The following MAST4 variants were observed in gnomAD, a reference collection of about 807,000 sequenced individuals.
MAST4 encodes the protein microtubule-associated serine/threonine-protein kinase 4.
Under a neutral mutation model 162.7 loss-of-function variants are expected in MAST4, and 89 were observed. That is an observed-to-expected ratio of 0.55 (90% CI 0.46 to 0.65). The LOEUF (loss-of-function observed/expected upper bound fraction) is 0.65. Ranked by LOEUF, MAST4 falls within the 30% of genes least tolerant of loss-of-function variation. MAST4 has a pLI of 0.00. For missense variants in MAST4, 3,153 were observed against 3,374.0 expected (o/e 0.93, Z 1.62); for synonymous variants, 1,479 against 1,361.1 (o/e 1.09, Z -1.91).
intron 3 of MAST4, among the ~76,000 whole-genome samples, chr5:66,797,232 G>A (rs1016361311): frequency 1.3e-5 from 2 of 152,140 alleles, no homozygotes; most frequent in African/African-American, 4.8e-5. Context: ...ATTAGATAGC[G>A]GTTTGTTGGG....
intron 4 of MAST4, among the ~76,000 whole-genome samples, chr5:66,910,743 T>TTGTTTTTTTTTTTTG (rs1763695311): frequency 4.1e-5 from 1 of 24,236 alleles, no homozygotes; most frequent in Admixed American, 4.7e-4. Flanking sequence ...TTTTTTTTCT[T>TTGTTTTTTTTTTTTG]TTTTTTTTTT....
At chr5:66,906,362 A>G (rs1394801967) in intron 4 of MAST4, among the ~76,000 whole-genome samples, 1 of 152,104 alleles carries the variant, frequency 6.6e-6, no homozygotes, top group African/African-American at 2.4e-5. Context: ...AGAATTTTAT[A>G]TTTGGTTGAC....
At chr5:66,946,389 A>AGACCTTTCCTAATTCTAAATTTT (rs1744029591) in intron 4 of MAST4, among the ~76,000 whole-genome samples, 1 of 152,176 alleles carries the variant, frequency 6.6e-6, no homozygotes, top group Non-Finnish European at 1.5e-5. Context: ...GCCTAAATTT[A>AGACCTTTCCTAATTCTAAATTTT]GACCTTTCCT....
rs1745054263 is a variant in MAST4, at chr5:66,635,525, TATA to T, written c.363+38508_363+38510del. On this transcript the variant is annotated intron_variant, in intron 1 of 28. Coordinates refer to ENST00000403625, the MANE Select transcript of MAST4 (RefSeq NM_001164664.2). ...CAAGAAAGTTTGGGGCAGAAATTAG[TATA>T]GGAATATGAACTGGAATCAGGTGTG... 2.0e-5 allele frequency among the ~76,000 whole-genome samples: 3 copies of T among 152,176 alleles called. No homozygotes were observed. In the South Asian group the frequency reaches 6.2e-4, roughly 32 times the overall value.
At chr5:66,639,041 G>A (rs540007621) in intron 1 of MAST4, among the ~76,000 whole-genome samples, 1 of 152,304 alleles carries the variant, frequency 6.6e-6, no homozygotes, top group African/African-American at 2.4e-5. Context: ...CAGATAGCAT[G>A]TAGATGATAT....
rs55638729 is a variant in MAST4 at position 67,162,787 on chromosome 5, T to G, written c.3966T>G (p.Ser1322=). The G allele has an allele frequency of 4.1e-4, 657 of 1,613,674 alleles. 7 individuals carry two copies. In the East Asian group the frequency reaches 0.014, roughly 34 times the overall value. Residue 1322 remains serine, a splice_region_variant and synonymous_variant, in exon 28 of 29, where the codon TCT becomes TCG. Transcript: ENST00000403625. The part of the protein sequence containing the change: ...PSYRSTPDFP[S]GTNSSQSSSP... ...ACCGCTCCACCCCTGACTTCCCATCTGGTGAGTGAGTCTCCTGGTCTAAAC... is the reference window on the plus strand; with the variant it reads ...ACCGCTCCACCCCTGACTTCCCATCGGGTGAGTGAGTCTCCTGGTCTAAAC...
intron 2 of MAST4, among the ~76,000 whole-genome samples, chr5:66,765,690 A>G (rs1295794194): frequency 2.0e-5 from 3 of 152,160 alleles, no homozygotes; most frequent in Non-Finnish European, 2.9e-5. Flanking sequence ...TATGTATTCA[A>G]TGTAGACAAT....
chr5:67,019,901 G>T (rs141061549), intron 4 of MAST4, among the ~76,000 whole-genome samples: 21 of 152,210 alleles, frequency 1.4e-4, no homozygotes, highest in African/African-American at 4.8e-4. Flanking sequence ...TATAAGATGA[G>T]GAAATTAATA....
chr5:66,810,997 T>A (rs1278140472), intron 3 of MAST4, among the ~76,000 whole-genome samples: 1 of 152,200 alleles, frequency 6.6e-6, no homozygotes, highest in Non-Finnish European at 1.5e-5. Flanking sequence ...GGGGACTGTT[T>A]GCAGGAAAAA....
intron 9 of MAST4, among the ~76,000 whole-genome samples, chr5:67,103,867 C>T (rs879548494): frequency 5.9e-5 from 9 of 152,134 alleles, no homozygotes; most frequent in South Asian, 4.1e-4. Flanking sequence ...TAAATGAAAG[C>T]GTAACAATTC....
intron 4 of MAST4, among the ~76,000 whole-genome samples, chr5:66,983,770 T>C (rs369183138): frequency 3.9e-5 from 6 of 152,200 alleles, no homozygotes; most frequent in Non-Finnish European, 7.3e-5. Context: ...GTGTTATGAC[T>C]TTACACAAAG....
At chr5:67,073,481 C>T (rs891499713) in intron 5 of MAST4, among the ~76,000 whole-genome samples, 8 of 152,138 alleles carry the variant, frequency 5.3e-5, no homozygotes, top group African/African-American at 1.9e-4. Flanking sequence ...ATTCCTCTTA[C>T]GTAGGGAGGT....
At chr5:66,790,163 A>G (rs1001011462) in intron 3 of MAST4, among the ~76,000 whole-genome samples, 13 of 152,052 alleles carry the variant, frequency 8.5e-5, no homozygotes, top group Non-Finnish European at 1.2e-4. Context: ...ATATAAATCA[A>G]TGTATTGTGT....
intron 5 of MAST4, among the ~76,000 whole-genome samples, chr5:67,081,904 A>C (rs1258389810): frequency 6.6e-6 from 1 of 152,174 alleles, no homozygotes; most frequent in East Asian, 1.9e-4. Flanking sequence ...GGGATTAATC[A>C]CAAAGGGAAA....
At chr5:66,951,087 C>G (rs574693260) in intron 4 of MAST4, among the ~76,000 whole-genome samples, 33 of 152,280 alleles carry the variant, frequency 2.2e-4, no homozygotes, top group African/African-American at 7.7e-4. Context: ...TGGGTTATTA[C>G]AAGCAGTGCT....
At chr5:67,088,420 G>T (rs978934042) in intron 5 of MAST4, among the ~76,000 whole-genome samples, 2 of 152,142 alleles carry the variant, frequency 1.3e-5, no homozygotes, top group Admixed American at 1.3e-4. Context: ...TGAGCAAATT[G>T]AACACTTTTC....
Position 67,095,677 on chromosome 5 carries a change from T to C in MAST4, c.912+2T>C, listed in dbSNP as rs1764375650. 6.4e-7 allele frequency: 1 copy of C among 1,569,144 alleles called. No individual in the cohort carries two copies. Among genetic ancestry groups the C allele is most frequent in the South Asian group, 1.2e-5 (1 of 82,086 alleles). On this transcript the variant is annotated splice_donor_variant, in intron 7 of 28. Transcript: ENST00000403625. LOFTEE classifies it high-confidence loss of function. Reference sequence around the variant, plus strand: ...AACACACCCAGCTCTACGGTCTCTGTAAGTGCCTGACTTTTTTTTTTTTTT... The same window carrying C: ...AACACACCCAGCTCTACGGTCTCTGCAAGTGCCTGACTTTTTTTTTTTTTT...
Position 67,133,661 on chromosome 5 carries a change from C to T in MAST4, c.2226+15C>T. ...TGGATAAACAGGTAAGCTTGGGTGC[C>T]ATTTAGTTTATTGAGAAATACAAAG... On this transcript the variant is annotated intron_variant, in intron 17 of 28. Coordinates refer to ENST00000403625, the MANE Select transcript of MAST4 (RefSeq NM_001164664.2). 3 of 1,611,746 alleles carry T rather than the reference C, an allele frequency of 1.9e-6. No individual in the cohort carries two copies. The highest frequency in any genetic ancestry group is 2.5e-6 in the Non-Finnish European group (3 of 1,178,672).
In MAST4 at chr5:67,029,103, C is replaced by A. The variant is rs563067622; in HGVS notation, c.675-25301C>A. On this transcript the variant is annotated intron_variant, in intron 4 of 28. Transcript: ENST00000403625. ...GCAGCCATGATCACGTAACTACACC[C>A]AGCCTGGGCGACAGCACGAGACACT... Among the ~76,000 whole-genome samples, 15 of 151,696 alleles carry A rather than the reference C, an allele frequency of 9.9e-5. No individual in the cohort carries two copies. In the East Asian group the frequency reaches 2.7e-3, roughly 27 times the overall value.
Sources: allele counts gnomAD v4.1 joint callset (sites outside exome capture counted in the v4.1 genomes callset), GRCh38; gene constraint gnomAD v4.1.1; transcripts MANE v1.5; gene names NCBI Gene and HGNC (gene_info 2026-07-23, HGNC 2026-07-21).